The following OSBPL6 variants were observed in gnomAD, a reference collection of about 807,000 sequenced individuals.
OSBPL6 encodes oxysterol binding protein like 6.
A neutral mutation model predicts 125.8 loss-of-function variants in OSBPL6; 49 were observed. The observed-to-expected ratio is 0.39, with a 90% CI of 0.31 to 0.49. The LOEUF is 0.49. Ranked by LOEUF, OSBPL6 falls within the 20% of genes least tolerant of loss-of-function variation. OSBPL6 has a pLI of 0.88. For missense variants in OSBPL6, 986 were observed against 1,135.4 expected (o/e 0.87, Z 1.89); for synonymous variants, 394 against 391.8 (o/e 1.01, Z -0.07).
intron 1 of OSBPL6, among the ~76,000 whole-genome samples, chr2:178,253,628 C>G (rs1248254743): frequency 6.6e-6 from 1 of 152,132 alleles, no homozygotes; most frequent in Non-Finnish European, 1.5e-5. Flanking sequence ...TATCCACATG[C>G]AATATATTCT....
In OSBPL6 at chr2:178,361,821, CAA is replaced by C; in HGVS notation, c.1287+8_1287+9del. ...TCCGACAGTCACTGTCTCAGGTAGG[CAA>C]AGAGTGTGTGTTTGCATGTACATGA... On this transcript the variant is annotated splice_region_variant and intron_variant, in intron 13 of 24. Coordinates refer to ENST00000190611, the MANE Select transcript of OSBPL6 (RefSeq NM_032523.4). The C allele has an allele frequency of 6.2e-7, 1 of 1,613,818 alleles. No individual in the cohort carries two copies. The highest frequency in any genetic ancestry group is 8.5e-7 in the Non-Finnish European group (1 of 1,179,854).
At chr2:178,233,782 C>T (rs1018167751) in intron 1 of OSBPL6, among the ~76,000 whole-genome samples, 5 of 152,202 alleles carry the variant, frequency 3.3e-5, no homozygotes, top group African/African-American at 1.2e-4. Context: ...GTACCCACCT[C>T]ATGCGTTGTT....
Position 178,332,884 on chromosome 2 carries a change from A to G in OSBPL6, c.500A>G (p.Asp167Gly). ...HIYHLKVKSQ[D>G]WFDAWVSKLR... ...TCATTGTTTTAGGTGAAATCCCAGG[A>G]CTGGTTTGATGCATGGGTCTCCAAA... is the stretch of plus-strand genomic sequence containing the variant. Residue 167 changes from aspartate (D) to glycine (G), a missense_variant, in exon 8 of 25, where the codon GAC becomes GGC. Asp to Gly is a moderately conservative substitution (Grantham distance 94). Coordinates refer to ENST00000190611, the MANE Select transcript of OSBPL6 (RefSeq NM_032523.4). The G allele has an allele frequency of 1.2e-6, 2 of 1,612,222 alleles. No homozygotes were observed. Among genetic ancestry groups the G allele is most frequent in the Non-Finnish European group, 1.7e-6 (2 of 1,178,480 alleles).
At chr2:178,383,881 A>G (rs1694706382) in intron 17 of OSBPL6, among the ~76,000 whole-genome samples, 158 bp from the exon 18 acceptor site, 1 of 152,150 alleles carries the variant, frequency 6.6e-6, no homozygotes, top group African/African-American at 2.4e-5. Flanking sequence ...TTTTTTCCCC[A>G]TGAGTTGATA....
chr2:178,333,152 G>A (rs550925165), intron 8 of OSBPL6, 111 bp downstream of exon 8: 161 of 1,168,950 alleles, frequency 1.4e-4, no homozygotes, highest in Non-Finnish European at 2.0e-4. Flanking sequence ...GGAGGCCAAG[G>A]CGGGTGGATC....
chr2:178,246,328 C>T (rs749058046), intron 1 of OSBPL6, among the ~76,000 whole-genome samples: 1 of 152,186 alleles, frequency 6.6e-6, no homozygotes, highest in African/African-American at 2.4e-5. Flanking sequence ...TGACTATGGA[C>T]CAGCCACCAT....
chr2:178,225,532 TG>T (rs1230926541), intron 1 of OSBPL6, among the ~76,000 whole-genome samples: 1 of 152,176 alleles, frequency 6.6e-6, no homozygotes, highest in East Asian at 1.9e-4. Flanking sequence ...CAGAAAACCG[TG>T]GTGTCAGTCA....
At chr2:178,287,293 G>C (rs907252407) in intron 2 of OSBPL6, among the ~76,000 whole-genome samples, 1 of 151,978 alleles carries the variant, frequency 6.6e-6, no homozygotes, top group African/African-American at 2.4e-5. Context: ...CTCCCCCCTA[G>C]ATACATCAGA....
intron 2 of OSBPL6, among the ~76,000 whole-genome samples, chr2:178,285,659 T>C (rs1684633529): frequency 6.6e-6 from 1 of 152,258 alleles, no homozygotes; most frequent in Non-Finnish European, 1.5e-5. Context: ...GTTATTATTT[T>C]AGAGCCGCTT....
intron 1 of OSBPL6, among the ~76,000 whole-genome samples, chr2:178,275,717 A>G (rs1320274452): frequency 1.6e-5 from 2 of 126,418 alleles, no homozygotes; most frequent in Non-Finnish European, 3.5e-5. Flanking sequence ...AGGAGAAGCC[A>G]AACGGAGAAA....
intron 3 of OSBPL6, among the ~76,000 whole-genome samples, chr2:178,312,480 G>C (rs375793688): frequency 3.4e-5 from 5 of 148,504 alleles, no homozygotes; most frequent in African/African-American, 1.0e-4. Flanking sequence ...TTTTGAGACA[G>C]AGTTTCGCTT....
rs1449277952 is a variant in OSBPL6, at chr2:178,349,321, C to A, written c.1085C>A (p.Thr362Asn). 1.2e-6 allele frequency: 2 copies of A among 1,614,230 alleles called. No individual in the cohort carries two copies. The highest frequency in any genetic ancestry group is 1.3e-5 in the African/African-American group (1 of 75,066). Reference protein sequence around the residue: ...IEFQTPPSHLTDPLESSTDYT... With the variant: ...IEFQTPPSHLNDPLESSTDYT... The stretch of plus-strand genomic sequence containing the variant: ...TTTCAGACTCCCCCTAGCCACCTCA[C>A]TGACCCTCTGGAAAGTTCAACAGAT... The change falls in exon 12 of 25, where the codon ACT (threonine) becomes AAT (asparagine). Residue 362 changes from threonine (T) to asparagine (N), a missense_variant. This residue lies in a region of OSBPL6 where 843 missense variants were observed against 997.3 expected (regional missense o/e 0.85). Transcript: ENST00000190611.
rs576712614 is a variant in OSBPL6, at chr2:178,278,708, A to G, written c.-350-6219A>G. On this transcript the variant is annotated intron_variant, in intron 1 of 24. Transcript: ENST00000190611. The stretch of plus-strand genomic sequence containing the variant: ...TAAACCTATTGGATTGTGGCACTTA[A>G]ACTATATTCTCCAGAGACTTAGATA... 1.8e-4 allele frequency among the ~76,000 whole-genome samples: 28 copies of G among 152,310 alleles called. No individual in the cohort carries two copies. In the South Asian group the frequency reaches 4.3e-3, roughly 24 times the overall value.
Position 178,339,740 on chromosome 2 carries a change from C to A in OSBPL6, c.963C>A (p.Ser321Arg), listed in dbSNP as rs1287526096. The A allele has an allele frequency of 6.2e-7, 1 of 1,603,852 alleles. No homozygotes were observed. ...VTRRWRTKSVSKDTKIQLQVP... is the reference protein window; with the variant it reads ...VTRRWRTKSVRKDTKIQLQVP... Reference sequence around the variant, plus strand: ...GACGATGGAGAACAAAAAGTGTCAGCAAAGATACAAAAATACAACTGCAGG... The same window carrying A: ...GACGATGGAGAACAAAAAGTGTCAGAAAAGATACAAAAATACAACTGCAGG... Residue 321 changes from serine to arginine, a missense_variant, in exon 11 of 25, where the codon AGC (serine) becomes AGA (arginine). This residue lies in a region of OSBPL6 where 843 missense variants were observed against 997.3 expected (regional missense o/e 0.85). Coordinates refer to ENST00000190611, the MANE Select transcript of OSBPL6 (RefSeq NM_032523.4).
intron 11 of OSBPL6, among the ~76,000 whole-genome samples, chr2:178,343,791 C>T (rs1004475708): frequency 6.6e-6 from 1 of 152,086 alleles, no homozygotes; most frequent in Non-Finnish European, 1.5e-5. Flanking sequence ...TCATACCCTT[C>T]CCTTACTTTT....
rs1378738994 is a variant in OSBPL6, at chr2:178,332,860, C to T, written c.487-11C>T. On this transcript the variant is annotated splice_polypyrimidine_tract_variant and intron_variant, in intron 7 of 24. Transcript: ENST00000190611. ...TTTACAATTACTTTCTCCTCTCGTT[C>T]ATTGTTTTAGGTGAAATCCCAGGAC... is the stretch of plus-strand genomic sequence containing the variant. 1.2e-6 allele frequency: 2 copies of T among 1,609,260 alleles called. No individual in the cohort carries two copies. Among genetic ancestry groups the T allele is most frequent in the Admixed American group, 1.7e-5 (1 of 59,748 alleles).
intron 2 of OSBPL6, among the ~76,000 whole-genome samples, chr2:178,285,868 A>T (rs1684652997): frequency 6.6e-6 from 1 of 152,120 alleles, no homozygotes; most frequent in Admixed American, 6.5e-5. Context: ...GGGCACAGGG[A>T]TGGTGGTGGT....
At chr2:178,221,277 A>T (rs1361553506) in intron 1 of OSBPL6, among the ~76,000 whole-genome samples, 1 of 152,162 alleles carries the variant, frequency 6.6e-6, no homozygotes, top group Non-Finnish European at 1.5e-5. Flanking sequence ...AATTTGAGAG[A>T]AGTTGTTTAA....
intron 1 of OSBPL6, among the ~76,000 whole-genome samples, chr2:178,266,022 G>A (rs2092221763): frequency 6.6e-6 from 1 of 152,198 alleles, no homozygotes; most frequent in Non-Finnish European, 1.5e-5. Flanking sequence ...CTTCCCCAGG[G>A]AACTGACGGT....
Sources: gnomAD v4.1 joint callset for allele counts (sites outside exome capture counted in the v4.1 genomes callset) on GRCh38, gnomAD v4.1.1 for gene constraint, gnomAD v4.1.1 regional missense constraint, MANE v1.5 for transcripts, NCBI Gene and HGNC (gene_info 2026-07-23, HGNC 2026-07-21) for gene names.